TMEM38B: variants seen among roughly 807,000 people sequenced by gnomAD.
TMEM38B encodes transmembrane protein 38B, also known as trimeric intracellular cation channel type B.
A neutral mutation model predicts 28.7 loss-of-function variants in TMEM38B; 24 were observed. The observed-to-expected ratio is 0.84, with a 90% confidence interval of 0.61 to 1.18. TMEM38B has a LOEUF of 1.18. Ranked by LOEUF, TMEM38B falls within the 50% of genes most tolerant of loss-of-function variation. TMEM38B has a pLI of 0.00. For missense variants in TMEM38B, 380 were observed against 350.9 expected, an observed-to-expected ratio of 1.08 and a Z score of -0.66; for synonymous variants, 131 against 127.7, an observed-to-expected ratio of 1.03 and a Z score of -0.17.
At chr9:105,766,667 A>G (rs1826384146) in intron 5 of TMEM38B, among the ~76,000 whole-genome samples, 1 of 151,688 alleles carries the variant, frequency 6.6e-6, no homozygotes, top group Non-Finnish European at 1.5e-5. Context: ...TTAAGAAACT[A>G]TTTTATTCCT....
Position 105,748,127 on chromosome 9 carries a change from G to A in TMEM38B, c.597G>A (p.Gln199=). ...GSVIFTFQHT[Q]HLAISKHNLM... ...TTATCTTCACATTCCAGCACACCCA[G>A]CATCTGGCAATATCAAAGCATAATC... is the stretch of plus-strand genomic sequence containing the variant. Residue 199 remains glutamine, a synonymous_variant, in exon 5 of 6, where the codon CAG becomes CAA. Transcript: ENST00000374692. 6.2e-7 allele frequency: 1 copy of A among 1,613,552 alleles called. No homozygotes were observed. Among genetic ancestry groups the A allele is most frequent in the Admixed American group, 1.7e-5 (1 of 59,912 alleles).
At chr9:105,739,598 C>T (rs1006964247) in intron 4 of TMEM38B, among the ~76,000 whole-genome samples, 1 of 151,942 alleles carries the variant, frequency 6.6e-6, no homozygotes, top group Non-Finnish European at 1.5e-5. Flanking sequence ...GATTTCAGCT[C>T]ACTGCAACCT....
At chr9:105,703,489 A>G (rs1381395012) in intron 1 of TMEM38B, among the ~76,000 whole-genome samples, 1 of 152,238 alleles carries the variant, frequency 6.6e-6, no homozygotes, top group Non-Finnish European at 1.5e-5. Flanking sequence ...GCTGTTGTGA[A>G]TAATGCCGCA....
chr9:105,717,962 TA>T (rs1836170892), intron 2 of TMEM38B, among the ~76,000 whole-genome samples: 1 of 152,294 alleles, frequency 6.6e-6, no homozygotes, highest in African/African-American at 2.4e-5. Context: ...AATTACGTGT[TA>T]AAAAGCATGT....
intron 5 of TMEM38B, chr9:105,759,282 A>G: frequency 1.3e-6 from 1 of 756,290 alleles, no homozygotes; most frequent in Non-Finnish European, 2.3e-6. Context: ...TGGGATACAT[A>G]GAATCCAAGA....
chr9:105,721,600 A>G lies in TMEM38B; in HGVS notation c.333A>G (p.Gln111=), dbSNP rs1054537323. The G allele has an allele frequency of 1.9e-6, 3 of 1,613,654 alleles. No individual in the cohort carries two copies. Among genetic ancestry groups the G allele is most frequent in the Admixed American group, 3.3e-5 (2 of 59,990 alleles). ...AGGGCTATTCATATCTACCTGTTCA[A>G]CTACTGGCTTCGGGAATGAAGGAAG... The part of the protein sequence containing the change: ...VSQGYSYLPV[Q]LLASGMKEVT... Residue 111 remains glutamine, a synonymous_variant, in exon 3 of 6, where the codon CAA becomes CAG. Transcript: ENST00000374692.
In TMEM38B at chr9:105,731,158, G is replaced by C. The variant is rs143790092; in HGVS notation, c.542+8537G>C. 5.3e-3 allele frequency among the ~76,000 whole-genome samples: 798 copies of C among 151,932 alleles called. 14 individuals are homozygous for C. Among genetic ancestry groups the C allele is most frequent in the African/African-American group, 0.018 (764 of 41,464 alleles). The stretch of plus-strand genomic sequence containing the variant: ...TCTAATTCTTTTAATTGTGATCTTA[G>C]GGTGTTGATTTTAGGTCTTTCCTGC... On this transcript the variant is annotated intron_variant, in intron 4 of 5. Transcript: ENST00000374692.
chr9:105,716,094 C>CT (rs1836088234), intron 2 of TMEM38B, among the ~76,000 whole-genome samples: 1 of 152,140 alleles, frequency 6.6e-6, no homozygotes, highest in Non-Finnish European at 1.5e-5. Flanking sequence ...TCTTGGATCT[C>CT]TTACCTTCCT....
At chr9:105,759,496 A>G (rs1322350814) in intron 5 of TMEM38B, 3 of 1,584,702 alleles carry the variant, frequency 1.9e-6, no homozygotes, top group Non-Finnish European at 2.6e-6. Flanking sequence ...TGCTAATGAC[A>G]TAATGGGAGG....
chr9:105,714,491 G>C (rs1264976171), intron 2 of TMEM38B, among the ~76,000 whole-genome samples: 1 of 152,114 alleles, frequency 6.6e-6, no homozygotes, highest in African/African-American at 2.4e-5. Context: ...CAGCTATACA[G>C]TTCATACTGG....
intron 5 of TMEM38B, among the ~76,000 whole-genome samples, chr9:105,749,465 G>C (rs937909211): frequency 6.6e-6 from 1 of 152,094 alleles, no homozygotes; most frequent in South Asian, 2.1e-4. Flanking sequence ...AACAGCACAG[G>C]AAAGACCCTC....
At chr9:105,710,324 G>T in intron 2 of TMEM38B, 1 of 684,010 alleles carries the variant, frequency 1.5e-6, no homozygotes, top group Non-Finnish European at 2.7e-6. Flanking sequence ...GCTACTCTGT[G>T]GTCTTCCAGC....
At chr9:105,758,492 A>G in intron 5 of TMEM38B, 1 of 1,287,732 alleles carries the variant, frequency 7.8e-7, no homozygotes. Context: ...TTTATGACCT[A>G]TTAAGAAATA....
intron 4 of TMEM38B, among the ~76,000 whole-genome samples, chr9:105,725,727 A>G (rs1027505393): frequency 9.9e-5 from 15 of 152,230 alleles, no homozygotes; most frequent in African/African-American, 3.6e-4. Flanking sequence ...TGGTAAAAAT[A>G]TGGTCTGAAA....
intron 5 of TMEM38B, among the ~76,000 whole-genome samples, chr9:105,750,917 T>C (rs1475812828): frequency 6.6e-6 from 1 of 152,240 alleles, no homozygotes; most frequent in Admixed American, 6.5e-5. Flanking sequence ...GTGAATTGCC[T>C]TTACAATCTT....
chr9:105,748,798 A>G (rs1477006030), intron 5 of TMEM38B, among the ~76,000 whole-genome samples: 1 of 152,128 alleles, frequency 6.6e-6, no homozygotes, highest in Non-Finnish European at 1.5e-5. Context: ...ACTGTATCTC[A>G]TGTATCTTAC....
At chr9:105,716,057 A>G (rs975510266) in intron 2 of TMEM38B, among the ~76,000 whole-genome samples, 2 of 152,322 alleles carry the variant, frequency 1.3e-5, no homozygotes, top group East Asian at 1.9e-4. Context: ...GTAGTGTTCA[A>G]AAGATGAGGA....
At chr9:105,719,344 T>C (rs905575949) in intron 2 of TMEM38B, among the ~76,000 whole-genome samples, 22 of 152,212 alleles carry the variant, frequency 1.4e-4, no homozygotes, top group African/African-American at 4.6e-4. Flanking sequence ...TTAGGCACTT[T>C]ACAAGTTAAA....
intron 2 of TMEM38B, among the ~76,000 whole-genome samples, chr9:105,708,684 T>C (rs1835771400): frequency 1.3e-5 from 2 of 152,144 alleles, no homozygotes; most frequent in South Asian, 4.1e-4. Flanking sequence ...CTCAATGCCT[T>C]TGTACTTTCT....
Sources: allele counts gnomAD v4.1 joint callset (sites outside exome capture counted in the v4.1 genomes callset), GRCh38; gene constraint gnomAD v4.1.1; transcripts MANE v1.5; gene names NCBI Gene and HGNC (gene_info 2026-07-23, HGNC 2026-07-21).